SDAD1: variants seen among roughly 807,000 people sequenced by gnomAD.
SDAD1 encodes the protein SDA1 domain containing 1.
SDAD1 carries 79 observed loss-of-function variants against 100.3 expected under a neutral mutation model. The observed-to-expected ratio is 0.79, with a 90% CI of 0.66 to 0.95. SDAD1 has a LOEUF of 0.95. Ranked by LOEUF, SDAD1 falls within the 40% of genes least tolerant of loss-of-function variation. The pLI, the probability that SDAD1 is intolerant of heterozygous loss-of-function variation, is 0.00. For missense variants in SDAD1, 790 were observed against 810.9 expected (o/e 0.97, Z 0.31); for synonymous variants, 267 against 271.4 (o/e 0.98, Z 0.16).
rs1225453921 is a variant in SDAD1 at position 75,990,845 on chromosome 4, G to A, written c.-4C>T. ...TGTTGTTGTTTCTGTTGGACATTTT[G>A]GCTGCAGACAGACTTCGCGGCGAGC... On this transcript the variant is annotated 5_prime_UTR_variant, in exon 1 of 22. Coordinates refer to ENST00000356260, the MANE Select transcript of SDAD1 (RefSeq NM_018115.4). The A allele has an allele frequency of 6.8e-6, 11 of 1,614,058 alleles. No homozygotes were observed. Among genetic ancestry groups the A allele is most frequent in the Non-Finnish European group, 9.3e-6 (11 of 1,180,008 alleles).
rs796093489 is a variant in SDAD1, at chr4:75,953,646, G to A, written c.2016+2329C>T. 2.0e-5 allele frequency among the ~76,000 whole-genome samples: 3 copies of A among 152,314 alleles called. 1 individual carries two copies. Among genetic ancestry groups the A allele is most frequent in the African/African-American group, 7.2e-5 (3 of 41,578 alleles). ...GAGCTAAATGGTACCTTAATTCAGT[G>A]AATACTGACTTGGAACCCACAGACA... is the stretch of plus-strand genomic sequence containing the variant. On this transcript the variant is annotated intron_variant, in intron 21 of 21. Coordinates refer to ENST00000356260, the MANE Select transcript of SDAD1 (RefSeq NM_018115.4).
intron 8 of SDAD1, 38 bp downstream of exon 8, chr4:75,973,278 TA>T: frequency 6.6e-7 from 1 of 1,522,586 alleles, no homozygotes; most frequent in East Asian, 2.3e-5. Context: ...AGAGCAATAA[TA>T]AAAGGTAAGA....
At chr4:75,984,593 G>C (rs547834359) in intron 1 of SDAD1, among the ~76,000 whole-genome samples, 1 of 152,180 alleles carries the variant, frequency 6.6e-6, no homozygotes, top group African/African-American at 2.4e-5. Flanking sequence ...TTCAGCACTT[G>C]TTATGTACTA....
chr4:75,985,695 T>C (rs1328227208), intron 1 of SDAD1, among the ~76,000 whole-genome samples: 1 of 152,156 alleles, frequency 6.6e-6, no homozygotes, highest in Non-Finnish European at 1.5e-5. Flanking sequence ...CCTCCTCTAA[T>C]CATCTTGAAC....
intron 13 of SDAD1, 68 bp downstream of exon 13, chr4:75,965,696 C>G (rs888106029): frequency 6.8e-6 from 9 of 1,324,974 alleles, no homozygotes; most frequent in Non-Finnish European, 8.7e-6. Context: ...CCCGATAGAC[C>G]CTGAAGTACC....
intron 1 of SDAD1, among the ~76,000 whole-genome samples, chr4:75,983,964 A>G (rs538235226): frequency 6.6e-6 from 1 of 152,152 alleles, no homozygotes; most frequent in East Asian, 1.9e-4. Context: ...TAATTTTTGT[A>G]CAAGGTGTAA....
At chr4:75,981,635 T>A in intron 2 of SDAD1, 165 bp from the exon 3 acceptor site, 1 of 1,167,880 alleles carries the variant, frequency 8.6e-7, no homozygotes, top group Non-Finnish European at 1.2e-6. Context: ...TTCTCCAACA[T>A]TTATCATGGT....
At chr4:75,954,536 G>A (rs1728784029) in intron 21 of SDAD1, among the ~76,000 whole-genome samples, 1 of 152,142 alleles carries the variant, frequency 6.6e-6, no homozygotes, top group Admixed American at 6.5e-5. Context: ...AGCCGGGTGT[G>A]GTGGCAGACG....
At chr4:75,989,026 T>C (rs1731074950) in intron 1 of SDAD1, among the ~76,000 whole-genome samples, 1 of 152,144 alleles carries the variant, frequency 6.6e-6, no homozygotes, top group African/African-American at 2.4e-5. Flanking sequence ...AAAAAAAATA[T>C]GTCAGATCAT....
At chr4:75,972,165 T>C (rs756420502) in intron 8 of SDAD1, among the ~76,000 whole-genome samples, 2 of 152,040 alleles carry the variant, frequency 1.3e-5, no homozygotes, top group African/African-American at 2.4e-5. Flanking sequence ...TTTGAACTAC[T>C]GACCTCAAGT....
At position 75,973,370 on chromosome 4, in the gene SDAD1, A is replaced by G; in HGVS notation, c.658T>C (p.Phe220Leu). ...TCATCTTCATCTTTCCCAAGAAAGA[A>G]TGTCAAAGCGGCAACTAATATCTAA... ...VTKILVAALT[F>L]FLGKDEDEKQ... Residue 220 changes from phenylalanine (F) to leucine (L), a missense_variant, in exon 8 of 22, where the codon TTC becomes CTC. Phe to Leu is a conservative substitution (Grantham distance 22, BLOSUM62 0). Coordinates refer to ENST00000356260, the MANE Select transcript of SDAD1 (RefSeq NM_018115.4). 2 of 1,613,630 alleles carry G rather than the reference A, an allele frequency of 1.2e-6. No individual in the cohort carries two copies. The highest frequency in any genetic ancestry group is 1.7e-6 in the Non-Finnish European group (2 of 1,179,702).
chr4:75,980,486 C>A (rs1730438790), intron 3 of SDAD1, among the ~76,000 whole-genome samples: 1 of 152,112 alleles, frequency 6.6e-6, no homozygotes, highest in Non-Finnish European at 1.5e-5. Flanking sequence ...GTTTGAAAAG[C>A]AGATGTATTA....
chr4:75,958,023 A>T, intron 17 of SDAD1, 82 bp from the exon 18 acceptor site: 1 of 1,101,616 alleles, frequency 9.1e-7, no homozygotes, highest in East Asian at 2.3e-5. Flanking sequence ...GCAACAGAAA[A>T]GTAATGAACC....
At chr4:75,989,616 G>T (rs1227097641) in intron 1 of SDAD1, among the ~76,000 whole-genome samples, 6 of 152,204 alleles carry the variant, frequency 3.9e-5, no homozygotes, top group Admixed American at 3.9e-4. Context: ...TACACAACTG[G>T]TTAACAACAG....
chr4:75,970,517 T>A, intron 9 of SDAD1, 139 bp from the exon 10 acceptor site: 1 of 577,728 alleles, frequency 1.7e-6, no homozygotes, highest in Non-Finnish European at 2.9e-6. Context: ...CCTTTTCAAC[T>A]AGAAGAATTA....
chr4:75,954,936 T>C (rs1208334302), intron 21 of SDAD1, among the ~76,000 whole-genome samples: 3 of 152,168 alleles, frequency 2.0e-5, no homozygotes, highest in East Asian at 1.9e-4. Flanking sequence ...ACGGCTCTTG[T>C]AGGTCTCTTC....
In SDAD1 at chr4:75,956,138, T is replaced by C. The variant is rs755665811; in HGVS notation, c.1855-2A>G. On this transcript the variant is annotated splice_acceptor_variant, in intron 20 of 21. Transcript: ENST00000356260. LOFTEE classifies it high-confidence loss of function. The stretch of plus-strand genomic sequence containing the variant: ...TTCTTTTCGGTCTGTCTTTCCAGCC[T>C]ACCAGAACAAAAAGTTTGATATTTC... The C allele has an allele frequency of 1.9e-6, 3 of 1,595,160 alleles. No individual in the cohort carries two copies. The highest frequency in any genetic ancestry group is 2.7e-5 in the African/African-American group (2 of 73,422).
intron 4 of SDAD1, 39 bp from the exon 5 acceptor site, chr4:75,976,034 C>G (rs1201856345): frequency 7.6e-7 from 1 of 1,313,474 alleles, no homozygotes; most frequent in East Asian, 2.3e-5. Flanking sequence ...TTAAACCTAA[C>G]CAACATTTTT....
At chr4:75,959,559 G>T (rs1452168421) in intron 17 of SDAD1, among the ~76,000 whole-genome samples, 1 of 151,098 alleles carries the variant, frequency 6.6e-6, no homozygotes, top group Non-Finnish European at 1.5e-5. Context: ...AGCTGAGATC[G>T]TACCACTGCA....
Sources: gnomAD v4.1 joint callset for allele counts (sites outside exome capture counted in the v4.1 genomes callset) on GRCh38, gnomAD v4.1.1 for gene constraint, MANE v1.5 for transcripts, NCBI Gene and HGNC (gene_info 2026-07-23, HGNC 2026-07-21) for gene names.